Variants in PTPRT observed in about 807,000 individuals in gnomAD.
PTPRT encodes receptor-type tyrosine-protein phosphatase T.
In PTPRT, 56 loss-of-function variants were observed where a neutral mutation model predicts 176.8. That is an observed-to-expected ratio of 0.32 (90% confidence interval 0.26 to 0.40). The LOEUF (loss-of-function observed/expected upper bound fraction) is 0.40, where lower values mean the gene tolerates loss of function less well. Ranked by LOEUF, PTPRT falls within the 10% of genes least tolerant of loss-of-function variation. The pLI, the probability that PTPRT is intolerant of heterozygous loss-of-function variation, is 1.00. For synonymous variants in PTPRT, 783 were observed against 739.0 expected, an observed-to-expected ratio of 1.06 and a Z score of -0.96; for missense variants, 1,540 against 1,908.2, an observed-to-expected ratio of 0.81 and a Z score of 3.60.
In PTPRT at chr20:42,078,533, G is replaced by C. The variant is rs186432324; in HGVS notation, c.*2346C>G. On this transcript the variant is annotated 3_prime_UTR_variant, in exon 31 of 31. Coordinates refer to ENST00000373187, the MANE Select transcript of PTPRT (RefSeq NM_007050.6). The stretch of plus-strand genomic sequence containing the variant: ...AATGTTTTCACAGTGTCTGATGAAA[G>C]GAAAAGAGGCAGCCCCATTGGCCCA... The C allele has an allele frequency of 1.0e-5, 2 of 197,620 alleles. No homozygotes were observed. The highest frequency in any genetic ancestry group is 2.1e-5 in the Non-Finnish European group (2 of 94,988). 12.2% of individuals were successfully genotyped at this position (197,620 alleles called of 1,614,324 possible).
chr20:42,549,640 G>T (rs2072733543), intron 7 of PTPRT, among the ~76,000 whole-genome samples: 1 of 152,166 alleles, frequency 6.6e-6, no homozygotes, highest in South Asian at 2.1e-4. Context: ...CTATCCATGT[G>T]AAGAGGCACC....
At chr20:43,140,278 T>C (rs939593223) in intron 1 of PTPRT, among the ~76,000 whole-genome samples, 7 of 152,202 alleles carry the variant, frequency 4.6e-5, no homozygotes, top group African/African-American at 1.7e-4. Context: ...TTTCACAGCA[T>C]GGACATTTGC....
At chr20:42,294,568 G>A (rs548244307) in intron 12 of PTPRT, among the ~76,000 whole-genome samples, 15 of 151,924 alleles carry the variant, frequency 9.9e-5, no homozygotes, top group South Asian at 8.3e-4. Context: ...ACTGAGAATC[G>A]TATAAGCCAC....
At chr20:42,149,715 C>T (rs767783192) in intron 17 of PTPRT, among the ~76,000 whole-genome samples, 21 of 152,184 alleles carry the variant, frequency 1.4e-4, no homozygotes, top group Non-Finnish European at 2.5e-4. Context: ...TGAGCCACCG[C>T]GCCTGACCCA....
At chr20:42,880,392 G>A (rs1380036625) in intron 2 of PTPRT, among the ~76,000 whole-genome samples, 1 of 152,192 alleles carries the variant, frequency 6.6e-6, no homozygotes, top group African/African-American at 2.4e-5. Flanking sequence ...TTATGTACCT[G>A]ATTTTGCAAC....
chr20:42,071,565 G>C (rs1215446259), downstream of PTPRT, among the ~76,000 whole-genome samples: 1 of 152,194 alleles, frequency 6.6e-6, no homozygotes, highest in East Asian at 1.9e-4. Context: ...TGGTGTAGGT[G>C]ACCCATGGAT....
intron 12 of PTPRT, among the ~76,000 whole-genome samples, chr20:42,305,739 A>G (rs1255590075): frequency 1.3e-5 from 2 of 152,194 alleles, no homozygotes; most frequent in African/African-American, 4.8e-5. Flanking sequence ...TGAAGGACAC[A>G]TCTCATCCCT....
Position 42,846,666 on chromosome 20 carries a change from G to A in PTPRT, c.214+39141C>T, listed in dbSNP as rs967239119. 2.6e-5 allele frequency among the ~76,000 whole-genome samples: 4 copies of A among 152,296 alleles called. No individual in the cohort carries two copies. The South Asian group carries it at 6.2e-4, about 24-fold the overall frequency. On this transcript the variant is annotated intron_variant, in intron 2 of 30. Transcript: ENST00000373187. ...ATGAGTTGCAAGCCCAGCTGTCTGG[G>A]GAATGACCTCTTTAGGGTTCTCTTC...
At chr20:42,284,031 C>T (rs555693081) in intron 12 of PTPRT, among the ~76,000 whole-genome samples, 13 of 152,132 alleles carry the variant, frequency 8.5e-5, no homozygotes, top group African/African-American at 2.2e-4. Flanking sequence ...AGATGGTTCT[C>T]GGGCTCATAA....
At chr20:43,105,038 GGCATTGTGAGGCAAACTTA>G (rs2012541124) in intron 1 of PTPRT, among the ~76,000 whole-genome samples, 1 of 152,126 alleles carries the variant, frequency 6.6e-6, no homozygotes, top group Non-Finnish European at 1.5e-5. Context: ...AAGAAAAGCA[GGCATTGTGAGGCAAACTTA>G]GCCCAGGCCT....
intron 16 of PTPRT, among the ~76,000 whole-genome samples, chr20:42,186,357 C>T (rs896764009): frequency 6.6e-6 from 1 of 151,840 alleles, no homozygotes; most frequent in Non-Finnish European, 1.5e-5. Flanking sequence ...GGCCTATGGG[C>T]CTCCCATCCC....
intron 1 of PTPRT, among the ~76,000 whole-genome samples, chr20:42,944,207 TCA>T (rs1278538849): frequency 6.6e-6 from 1 of 151,952 alleles, no homozygotes; most frequent in Non-Finnish European, 1.5e-5. Context: ...AGAGAAAACA[TCA>T]CAGTTTAGGA....
chr20:42,208,075 T>C (rs2146718988), intron 15 of PTPRT, among the ~76,000 whole-genome samples: 4 of 128,132 alleles, frequency 3.1e-5, no homozygotes. Flanking sequence ...TAAAATACTT[T>C]ACAGACAAGC....
At chr20:42,216,321 T>G (rs728374) in intron 15 of PTPRT, among the ~76,000 whole-genome samples, 95,459 of 152,090 alleles carry the variant, frequency 0.63, 30,744 homozygotes, top group African/African-American at 0.77. Flanking sequence ...CAACAACCTT[T>G]TTGGCCTTGT....
intron 8 of PTPRT, among the ~76,000 whole-genome samples, chr20:42,452,532 G>T (rs1367245879): frequency 6.6e-6 from 1 of 152,056 alleles, no homozygotes; most frequent in Non-Finnish European, 1.5e-5. Flanking sequence ...TCAAGAATTT[G>T]GAAAGACAGG....
intron 2 of PTPRT, among the ~76,000 whole-genome samples, chr20:42,872,234 G>A (rs2078857636): frequency 6.6e-6 from 1 of 152,234 alleles, no homozygotes; most frequent in South Asian, 2.1e-4. Flanking sequence ...AAACTAGGTA[G>A]ATGAAGAGGG....
chr20:42,363,778 G>T (rs1568813606), intron 9 of PTPRT, among the ~76,000 whole-genome samples: 1 of 152,068 alleles, frequency 6.6e-6, no homozygotes, highest in Non-Finnish European at 1.5e-5. Flanking sequence ...GACTTAAGGG[G>T]AGCAACTTCC....
chr20:43,028,060 A>T (rs975615627), intron 1 of PTPRT, among the ~76,000 whole-genome samples: 3 of 152,200 alleles, frequency 2.0e-5, no homozygotes, highest in African/African-American at 7.2e-5. Context: ...TTTTAATGAA[A>T]CATAAAAGGA....
rs890941380 is a variant in PTPRT at position 42,993,549 on chromosome 20, T to C, written c.89-107617A>G. ...ATACACATATATGTGTGTGTATATA[T>C]ATACACATATATGTGTGTGTATATA... On this transcript the variant is annotated intron_variant, in intron 1 of 30. Transcript: ENST00000373187. Among the ~76,000 whole-genome samples, 5 of 142,658 alleles carry C rather than the reference T, an allele frequency of 3.5e-5. 1 individual carries two copies. The highest frequency in any genetic ancestry group is 6.9e-5 in the Admixed American group (1 of 14,434). 93.6% of individuals were successfully genotyped at this position (142,658 alleles called of 152,430 possible). A position where few individuals can be genotyped will look rare whatever the true frequency, so the allele number is the denominator to read the frequency against.
Sources: allele counts gnomAD v4.1 joint callset (sites outside exome capture counted in the v4.1 genomes callset), GRCh38; gene constraint gnomAD v4.1.1; transcripts MANE v1.5; gene names NCBI Gene and HGNC (gene_info 2026-07-23, HGNC 2026-07-21).